Variants in FAM161B observed in about 807,000 individuals in gnomAD.
FAM161B encodes the protein protein FAM161B.
In FAM161B, 46 loss-of-function variants were observed where a neutral mutation model predicts 61.5. The ratio of observed to expected loss-of-function variants is 0.75; its 90% CI spans 0.59 to 0.96. FAM161B has a LOEUF of 0.96. Ranked by LOEUF, FAM161B falls within the 40% of genes least tolerant of loss-of-function variation. The probability of loss-of-function intolerance (pLI) is 0.00; values close to 1 mark genes in which losing one functional copy is unlikely to be tolerated. For missense variants in FAM161B, 774 were observed against 800.7 expected (o/e 0.97, Z 0.40); for synonymous variants, 284 against 302.7 (o/e 0.94, Z 0.64).
the FAM161B span, chr14:73,923,435 G>A: frequency 1.9e-6 from 3 of 1,614,024 alleles, no homozygotes; most frequent in Non-Finnish European, 2.5e-6. Flanking sequence ...TGTCTTCAGT[G>A]CCTGATGTGA....
chr14:73,925,136 T>TA, the FAM161B span, among the ~76,000 whole-genome samples: 1 of 93,634 alleles, frequency 1.1e-5, no homozygotes, highest in African/African-American at 3.0e-5. Flanking sequence ...TGCCAGGACT[T>TA]TTCTTTTTAT....
chr14:73,933,027 C>T lies in FAM161B; in HGVS notation c.*1229G>A, dbSNP rs1430996361. On this transcript the variant is annotated 3_prime_UTR_variant, in exon 9 of 9. Transcript: ENST00000286544. ...AATTTTAAGTTTACTTAAAATGAAC[C>T]TCATGCTCACATAAACACACAGGCA... 6.5e-6 allele frequency: 1 copy of T among 154,124 alleles called. No individual in the cohort carries two copies. The highest frequency in any genetic ancestry group is 1.4e-5 in the Non-Finnish European group (1 of 69,338). 9.5% of individuals were successfully genotyped at this position (154,124 alleles called of 1,614,324 possible).
intron 3 of FAM161B, among the ~76,000 whole-genome samples, chr14:73,943,750 C>T (rs1411246683): frequency 2.0e-5 from 3 of 152,142 alleles, no homozygotes; most frequent in Non-Finnish European, 4.4e-5. Context: ...AAATAACTCG[C>T]CACATTTGTA....
the FAM161B span, among the ~76,000 whole-genome samples, chr14:73,926,247 T>C: frequency 0.6 from 91,696 of 151,976 alleles, 28,574 homozygotes; most frequent in South Asian, 0.72. Flanking sequence ...TTTATTGTAT[T>C]CTCTAATAGT....
At chr14:73,938,231 G>A in intron 5 of FAM161B, 119 bp from the exon 6 acceptor site, 1 of 1,164,514 alleles carries the variant, frequency 8.6e-7, no homozygotes. Flanking sequence ...GGCCAAGGCA[G>A]GTGGATCACC....
At chr14:73,941,503 G>A (rs903592938) in intron 4 of FAM161B, among the ~76,000 whole-genome samples, 1 of 152,062 alleles carries the variant, frequency 6.6e-6, no homozygotes, top group African/African-American at 2.4e-5. Context: ...AATAAGGCAA[G>A]GATAAAGAGA....
chr14:73,941,099 A>G, intron 4 of FAM161B, 46 bp from the exon 5 acceptor site: 2 of 956,694 alleles, frequency 2.1e-6, no homozygotes, highest in Non-Finnish European at 1.5e-6. Context: ...ATGTGTGATT[A>G]GTTTCTATCT....
the FAM161B span, chr14:73,924,786 C>T: frequency 2.5e-6 from 1 of 397,410 alleles, no homozygotes. Context: ...AAGCGATTCT[C>T]CTGCCTCAGC....
At position 73,949,996 on chromosome 14, in the gene FAM161B, C is replaced by T. The variant is rs776289743; in HGVS notation, c.31G>A (p.Gly11Arg). The T allele has an allele frequency of 6.2e-7, 1 of 1,613,364 alleles. No homozygotes were observed. Among genetic ancestry groups the T allele is most frequent in the South Asian group, 1.1e-5 (1 of 91,082 alleles). The change falls in exon 1 of 9, where the codon GGA (glycine) becomes AGA (arginine). Residue 11 changes from glycine (G) to arginine (R), a missense_variant. Coordinates refer to ENST00000286544, the MANE Select transcript of FAM161B (RefSeq NM_152445.3). MTVGRPEGAP[G>R]GAEGSRQIFP... ...ACCTGACGGCTCCCCTCCGCGCCTC[C>T]GGGGGCTCCCTCAGGCCTCCCCACG...
intron 2 of FAM161B, among the ~76,000 whole-genome samples, chr14:73,945,319 C>T (rs77123772): frequency 0.015 from 2,360 of 152,258 alleles, 58 homozygotes; most frequent in African/African-American, 0.054. Flanking sequence ...AGATAATGTA[C>T]ACTTTATCTC....
rs1232998740 is a variant in FAM161B at position 73,942,408 on chromosome 14, AG to A, written c.1232del (p.Pro411LeufsTer30). On this transcript the variant is annotated frameshift_variant, in exon 4 of 9. Transcript: ENST00000286544. LOFTEE classifies it high-confidence loss of function. ...TGGTGGCAGCATCACAGGGCCGCTG[AG>A]GGTGGCGCAGGTTGGCGGTCCTCAG... is the stretch of plus-strand genomic sequence containing the variant. The part of the protein sequence containing the change: ...FLLRTANLRH[P>X]QRPCDAATTG... 1 of 1,614,084 alleles carries A rather than the reference AG, an allele frequency of 6.2e-7. No individual in the cohort carries two copies. Among genetic ancestry groups the A allele is most frequent in the African/African-American group, 1.3e-5 (1 of 75,002 alleles).
the FAM161B span, among the ~76,000 whole-genome samples, chr14:73,926,089 T>TTG: frequency 1.1e-4 from 17 of 152,238 alleles, no homozygotes; most frequent in South Asian, 3.1e-3. Context: ...CTTTCCTCCT[T>TTG]TTGTTGTTGT....
chr14:73,947,820 T>G (rs1369395679), intron 1 of FAM161B, among the ~76,000 whole-genome samples: 7 of 152,124 alleles, frequency 4.6e-5, no homozygotes, highest in African/African-American at 1.4e-4. Context: ...GAGGGTGTGA[T>G]TTTTATAGGG....
chr14:73,925,830 A>G, the FAM161B span, among the ~76,000 whole-genome samples: 1 of 152,160 alleles, frequency 6.6e-6, no homozygotes, highest in African/African-American at 2.4e-5. Flanking sequence ...CCAGGAGTTC[A>G]AGACCAGCCT....
At position 73,946,608 on chromosome 14, in the gene FAM161B, A is replaced by C; in HGVS notation, c.55-3T>G. On this transcript the variant is annotated splice_polypyrimidine_tract_variant and splice_region_variant and intron_variant, in intron 1 of 8. Coordinates refer to ENST00000286544, the MANE Select transcript of FAM161B (RefSeq NM_152445.3). Reference sequence around the variant, plus strand: ...GCGAAGGACTCGGGGGGAAATATCTAAAATAGAATAGAAATAGGCTGTGGG... The same window carrying C: ...GCGAAGGACTCGGGGGGAAATATCTCAAATAGAATAGAAATAGGCTGTGGG... The C allele has an allele frequency of 6.2e-7, 1 of 1,610,708 alleles. No individual in the cohort carries two copies.
intron 1 of FAM161B, among the ~76,000 whole-genome samples, chr14:73,949,664 T>A (rs181424613): frequency 1.3e-5 from 2 of 151,676 alleles, no homozygotes; most frequent in Admixed American, 1.3e-4. Context: ...CGGCCAAATT[T>A]GGGGAGCAAT....
At chr14:73,922,946 T>C in the FAM161B span, 4 of 152,700 alleles carry the variant, frequency 2.6e-5, no homozygotes. Flanking sequence ...AAGTGGTATA[T>C]CCATAAACTA....
chr14:73,940,494 C>A (rs755261340), intron 5 of FAM161B, among the ~76,000 whole-genome samples: 24 of 152,168 alleles, frequency 1.6e-4, no homozygotes, highest in Admixed American at 1.6e-3. Context: ...CTTTGTCTGG[C>A]GAACTCTTCC....
chr14:73,940,979 G>A lies in FAM161B; in HGVS notation c.1347C>T (p.Asn449=). ...CATCTGTGATGTGCACAGGGAGAGT[G>A]TTGGCAGAGAGGGAAGCAAGGCCGC... ...SLSGLASLSA[N]TLPVHITDAT... The change falls in exon 5 of 9, where the codon AAC becomes AAT. Residue 449 remains asparagine (N), a synonymous_variant. Transcript: ENST00000286544. The A allele has an allele frequency of 3.1e-6, 5 of 1,613,938 alleles. No homozygotes were observed. The highest frequency in any genetic ancestry group is 4.2e-6 in the Non-Finnish European group (5 of 1,179,878).
Sources: gnomAD v4.1 joint callset for allele counts (sites outside exome capture counted in the v4.1 genomes callset) on GRCh38, gnomAD v4.1.1 for gene constraint, MANE v1.5 for transcripts, NCBI Gene and HGNC (gene_info 2026-07-23, HGNC 2026-07-21) for gene names.